Variants in CTPS1 observed in about 807,000 individuals in gnomAD.
The protein encoded by CTPS1 is CTP synthetase 1.
Under a neutral mutation model 80.5 loss-of-function variants are expected in CTPS1, and 25 were observed. The ratio of observed to expected loss-of-function variants is 0.31; its 90% CI spans 0.23 to 0.43. CTPS1 has a LOEUF of 0.43. Ranked by LOEUF, CTPS1 falls within the 20% of genes least tolerant of loss-of-function variation. The probability of loss-of-function intolerance (pLI) is 1.00; values close to 1 mark genes in which losing one functional copy is unlikely to be tolerated. For missense variants in CTPS1, 442 were observed against 725.7 expected (o/e 0.61, Z 4.49); for synonymous variants, 267 against 252.5 (o/e 1.06, Z -0.54).
rs1160835602 is a variant in CTPS1, at chr1:41,005,337, G to A, written c.1253-714G>A. 3.9e-5 allele frequency among the ~76,000 whole-genome samples: 6 copies of A among 152,138 alleles called. No homozygotes were observed. The South Asian group carries it at 1.0e-3, about 26-fold the overall frequency. The stretch of plus-strand genomic sequence containing the variant: ...TGTATACCTGTAATCCCAGCTACTC[G>A]GGAGGCTGAGACAGGAGAATCGCTT... On this transcript the variant is annotated intron_variant, in intron 12 of 18. Transcript: ENST00000650070.
At chr1:41,010,400 A>C (rs1485305540) in intron 18 of CTPS1, 146 bp downstream of exon 18, 2 of 625,014 alleles carry the variant, frequency 3.2e-6, no homozygotes, top group Non-Finnish European at 5.6e-6. Context: ...AGAGGTTGAG[A>C]GAGAAAAGAA....
In CTPS1 at chr1:41,007,811, T is replaced by A. The variant is rs1177084403; in HGVS notation, c.1393+266T>A. 1.3e-5 allele frequency among the ~76,000 whole-genome samples: 2 copies of A among 152,226 alleles called. No homozygotes were observed. Among genetic ancestry groups the A allele is most frequent in the Non-Finnish European group, 2.9e-5 (2 of 68,052 alleles). On this transcript the variant is annotated intron_variant, in intron 14 of 18. Coordinates refer to ENST00000650070, the MANE Select transcript of CTPS1 (RefSeq NM_001905.4). The surrounding 1 kb of genome is among the most constrained non-coding windows in gnomAD (Gnocchi z 4.4). Reference sequence around the variant, plus strand: ...AACAGAATGAGGCAGTGAGGTTACATTCATCCTTATCGGTTACTTTCCTAT... The same window carrying A: ...AACAGAATGAGGCAGTGAGGTTACAATCATCCTTATCGGTTACTTTCCTAT...
chr1:41,003,104 C>G lies in CTPS1; in HGVS notation c.1190-10C>G, dbSNP rs760417895. 3.7e-6 allele frequency: 6 copies of G among 1,613,834 alleles called. No homozygotes were observed. Among genetic ancestry groups the G allele is most frequent in the South Asian group, 1.1e-5 (1 of 91,066 alleles). On this transcript the variant is annotated splice_polypyrimidine_tract_variant and intron_variant, in intron 11 of 18. Coordinates refer to ENST00000650070, the MANE Select transcript of CTPS1 (RefSeq NM_001905.4). Reference sequence around the variant, plus strand: ...TGGAGTTTTGTTTGTTTTTTCCCCCCGACTGGAAGGCGTGTGCTTAGGGAT... The same window carrying G: ...TGGAGTTTTGTTTGTTTTTTCCCCCGGACTGGAAGGCGTGTGCTTAGGGAT...
intron 12 of CTPS1, among the ~76,000 whole-genome samples, chr1:41,005,171 G>A (rs901377550): frequency 1.3e-5 from 2 of 150,492 alleles, no homozygotes; most frequent in Non-Finnish European, 3.0e-5. Flanking sequence ...CAGGCGGGGC[G>A]CAGTGGCTCA....
chr1:40,982,538 C>T (rs1570936418), intron 1 of CTPS1, among the ~76,000 whole-genome samples: 1 of 152,064 alleles, frequency 6.6e-6, no homozygotes, highest in Admixed American at 6.6e-5. Context: ...TACAGGCGTG[C>T]GCCATCACAG....
chr1:41,002,871 C>T (rs1485746741), intron 11 of CTPS1, among the ~76,000 whole-genome samples: 2 of 152,144 alleles, frequency 1.3e-5, no homozygotes, highest in Admixed American at 6.5e-5. Flanking sequence ...AATAGAATAT[C>T]ACTTACTTCT....
intron 3 of CTPS1, among the ~76,000 whole-genome samples, chr1:40,986,359 A>G (rs1229349402): frequency 6.6e-6 from 1 of 152,224 alleles, no homozygotes; most frequent in Non-Finnish European, 1.5e-5. Context: ...GGAGGCCGGC[A>G]TAGCTAAGGC....
At chr1:40,999,254 G>C (rs998968277) in intron 9 of CTPS1, among the ~76,000 whole-genome samples, 3 of 152,098 alleles carry the variant, frequency 2.0e-5, no homozygotes, top group Admixed American at 2.0e-4. Context: ...GAAACACTGT[G>C]GATGGAAATT....
At chr1:41,000,799 A>G in intron 9 of CTPS1, 1 of 254,726 alleles carries the variant, frequency 3.9e-6, no homozygotes, top group Non-Finnish European at 7.4e-6. Context: ...GAGATTTGGG[A>G]ATTTAATGAT....
chr1:40,998,200 C>T (rs112703871), intron 9 of CTPS1, among the ~76,000 whole-genome samples: 11,742 of 151,752 alleles, frequency 0.077, 586 homozygotes, highest in South Asian at 0.12. Context: ...AGATTGAGAC[C>T]GTTCTGGCTA....
chr1:41,011,118 A>T (rs911187685), intron 18 of CTPS1, among the ~76,000 whole-genome samples: 1 of 152,160 alleles, frequency 6.6e-6, no homozygotes, highest in African/African-American at 2.4e-5. Context: ...TGACCTGCTG[A>T]TCCCAGCTGT....
intron 12 of CTPS1, among the ~76,000 whole-genome samples, chr1:41,004,972 TACAA>T (rs1642996776): frequency 1.3e-5 from 2 of 150,738 alleles, no homozygotes; most frequent in African/African-American, 2.4e-5. Context: ...CTACTAAAAA[TACAA>T]AAAATAACCA....
At chr1:41,000,954 A>G (rs935974317) in intron 9 of CTPS1, 75 bp from the exon 10 acceptor site, 1 of 904,016 alleles carries the variant, frequency 1.1e-6, no homozygotes, top group African/African-American at 1.7e-5. Context: ...TAAAATGATA[A>G]TATTATTTAA....
chr1:41,008,420 G>A (rs971606968), intron 14 of CTPS1, among the ~76,000 whole-genome samples: 1 of 152,202 alleles, frequency 6.6e-6, no homozygotes, highest in Non-Finnish European at 1.5e-5. Context: ...TTTGAGGGTG[G>A]TGGTGAGAGT....
chr1:41,009,050 T>C (rs894285356), intron 16 of CTPS1, among the ~76,000 whole-genome samples, 160 bp downstream of exon 16: 1 of 152,252 alleles, frequency 6.6e-6, no homozygotes, highest in Non-Finnish European at 1.5e-5. Context: ...GGGTCTGGAC[T>C]CTAGAAACTT....
chr1:41,006,821 C>T (rs752171920), intron 13 of CTPS1, among the ~76,000 whole-genome samples: 13 of 152,200 alleles, frequency 8.5e-5, no homozygotes, highest in Middle Eastern at 3.2e-3. Context: ...CTTGATCTCA[C>T]GGCACTTAGA....
chr1:40,998,131 G>T (rs1219502447), intron 9 of CTPS1, among the ~76,000 whole-genome samples: 1 of 152,168 alleles, frequency 6.6e-6, no homozygotes, highest in Non-Finnish European at 1.5e-5. Context: ...AGGCGCGTTG[G>T]CTCATGCCTG....
chr1:40,979,729 C>G lies in CTPS1; in HGVS notation c.-114C>G, dbSNP rs1651762074. 2 of 152,324 alleles carry G rather than the reference C, an allele frequency of 1.3e-5. No individual in the cohort carries two copies. The highest frequency in any genetic ancestry group is 4.8e-5 in the African/African-American group (2 of 41,454). The allele number at this position is 152,324 out of a possible 1,614,324, so 9.4% of individuals were successfully genotyped here. ...TAGAGCCCGCCTCCGTGAAAGACTG[C>G]CGGGCGCATGCGGTCGGGGTTGTTC... On this transcript the variant is annotated 5_prime_UTR_variant, in exon 1 of 19. Coordinates refer to ENST00000650070, the MANE Select transcript of CTPS1 (RefSeq NM_001905.4).
intron 3 of CTPS1, among the ~76,000 whole-genome samples, chr1:40,987,071 G>T (rs1324412963): frequency 6.6e-6 from 1 of 152,188 alleles, no homozygotes; most frequent in Non-Finnish European, 1.5e-5. Flanking sequence ...TGGCTATACT[G>T]GTGTGTGGCC....
Sources: gnomAD v4.1 joint callset for allele counts (sites outside exome capture counted in the v4.1 genomes callset) on GRCh38, gnomAD v4.1.1 for gene constraint, Gnocchi (gnomAD v3.1) non-coding constraint, MANE v1.5 for transcripts, NCBI Gene and HGNC (gene_info 2026-07-23, HGNC 2026-07-21) for gene names.